The following RNF121 variants were observed in gnomAD, a reference collection of about 807,000 sequenced individuals.
RNF121 encodes E3 ubiquitin ligase RNF121.
RNF121 carries 21 observed loss-of-function variants against 46.5 expected under a neutral mutation model. The ratio of observed to expected loss-of-function variants is 0.45; its 90% confidence interval spans 0.32 to 0.65. The LOEUF (loss-of-function observed/expected upper bound fraction) is 0.65. RNF121 is among the 30% of genes least tolerant of loss of function. The probability of loss-of-function intolerance (pLI) is 0.04; values close to 1 mark genes in which losing one functional copy is unlikely to be tolerated. For synonymous variants in RNF121, 139 were observed against 144.7 expected (o/e 0.96, Z 0.28); for missense variants, 346 against 416.0 (o/e 0.83, Z 1.46).
chr11:71,932,740 A>G (rs906789683), intron 1 of RNF121, among the ~76,000 whole-genome samples: 4 of 152,224 alleles, frequency 2.6e-5, no homozygotes, highest in African/African-American at 7.2e-5. Context: ...CTTCATTTTA[A>G]AGACCCAAAC....
rs1459437728 is a variant in RNF121, at chr11:71,996,241, C to A, written c.910C>A (p.Arg304=). 6.2e-7 allele frequency: 1 copy of A among 1,614,178 alleles called. No homozygotes were observed. Among genetic ancestry groups the A allele is most frequent in the Non-Finnish European group, 8.5e-7 (1 of 1,180,028 alleles). ...GTATGGGCAACTGCTGGACTGGCTT[C>A]GATACTTGGTAGCCTGGCAGCCTGT... The part of the protein sequence containing the change: ...VMYGQLLDWL[R]YLVAWQPVII... The change falls in exon 9 of 9, where the codon CGA becomes AGA. Residue 304 remains arginine, a synonymous_variant. Coordinates refer to ENST00000361756, the MANE Select transcript of RNF121 (RefSeq NM_018320.5).
At chr11:71,964,316 C>T (rs998876503) in intron 3 of RNF121, among the ~76,000 whole-genome samples, 13 of 152,096 alleles carry the variant, frequency 8.5e-5, no homozygotes, top group Admixed American at 8.5e-4. Context: ...TTATTCATTG[C>T]TAATATATAG....
chr11:71,989,070 T>TTTTGTTTGTTTGTTTG (rs10654699), intron 5 of RNF121, among the ~76,000 whole-genome samples: 3 of 150,284 alleles, frequency 2.0e-5, no homozygotes, highest in Admixed American at 6.6e-5. Flanking sequence ...CATTATGGTT[T>TTTTGTTTGTTTGTTTG]TTTGTTTGTT....
At chr11:71,994,530 T>C (rs1389107394) in intron 6 of RNF121, among the ~76,000 whole-genome samples, 189 bp from the exon 7 acceptor site, 2 of 152,026 alleles carry the variant, frequency 1.3e-5, no homozygotes, top group African/African-American at 4.8e-5. Context: ...CCAGCAAAGA[T>C]GAGGTCGATT....
chr11:71,948,505 A>T (rs1953779660), intron 1 of RNF121, among the ~76,000 whole-genome samples: 1 of 119,442 alleles, frequency 8.4e-6, no homozygotes, highest in Non-Finnish European at 1.7e-5. Context: ...ACAGAGTGAA[A>T]CTGTCTCCAA....
At chr11:71,950,538 C>T (rs917847568) in intron 1 of RNF121, among the ~76,000 whole-genome samples, 1 of 150,722 alleles carries the variant, frequency 6.6e-6, no homozygotes, top group Non-Finnish European at 1.5e-5. Context: ...GAACCGAGAT[C>T]ATGCCATCGC....
intron 3 of RNF121, among the ~76,000 whole-genome samples, chr11:71,975,025 A>G (rs1261345839): frequency 2.6e-5 from 4 of 152,210 alleles, no homozygotes; most frequent in Non-Finnish European, 5.9e-5. Flanking sequence ...GAAGTTCTCC[A>G]GGGAGAAGCT....
intron 5 of RNF121, among the ~76,000 whole-genome samples, chr11:71,989,070 T>TTTG: frequency 2.0e-5 from 3 of 150,284 alleles, no homozygotes. Flanking sequence ...CATTATGGTT[T>TTTG]TTTGTTTGTT....
intron 1 of RNF121, among the ~76,000 whole-genome samples, chr11:71,948,885 C>T (rs1171489918): frequency 6.6e-6 from 1 of 152,154 alleles, no homozygotes; most frequent in Non-Finnish European, 1.5e-5. Context: ...ACGCAGAATA[C>T]CACAGTATCT....
chr11:71,974,873 AGCCC>A (rs1055260707), intron 3 of RNF121, among the ~76,000 whole-genome samples: 12 of 152,326 alleles, frequency 7.9e-5, no homozygotes, highest in African/African-American at 1.9e-4. Context: ...TTGGAAACCT[AGCCC>A]AAACCAGACT....
At chr11:71,940,838 A>T (rs1353266509) in intron 1 of RNF121, among the ~76,000 whole-genome samples, 1 of 152,236 alleles carries the variant, frequency 6.6e-6, no homozygotes, top group Non-Finnish European at 1.5e-5. Flanking sequence ...TAAAGACTTA[A>T]TGGAGAAGAT....
rs1433266834 is a variant in RNF121, at chr11:71,990,731, G to T, written c.627+14G>T. ...TCTACCATAGGGGTAAGTTCATCCG[G>T]GTTCTTAAATACTGCTTCTTGACAC... On this transcript the variant is annotated intron_variant, in intron 6 of 8. Coordinates refer to ENST00000361756, the MANE Select transcript of RNF121 (RefSeq NM_018320.5). 1 of 1,612,170 alleles carries T rather than the reference G, an allele frequency of 6.2e-7. No individual in the cohort carries two copies. The highest frequency in any genetic ancestry group is 8.5e-7 in the Non-Finnish European group (1 of 1,179,456).
intron 1 of RNF121, among the ~76,000 whole-genome samples, chr11:71,929,969 G>A (rs1283106586): frequency 6.6e-6 from 1 of 152,236 alleles, no homozygotes; most frequent in Non-Finnish European, 1.5e-5. Flanking sequence ...GGATTTATGA[G>A]TTCCTTGAAG....
In RNF121 at chr11:71,997,118, A is replaced by G. The variant is rs940397139; in HGVS notation, c.*803A>G. On this transcript the variant is annotated 3_prime_UTR_variant, in exon 9 of 9. Transcript: ENST00000361756. ...GGCCCCTTGTGCAAGCTCATTCTTC[A>G]GTGGATCCTTCAGTGGAGTGGTGAC... is the stretch of plus-strand genomic sequence containing the variant. 1 of 152,270 alleles carries G rather than the reference A, an allele frequency of 6.6e-6. No individual in the cohort carries two copies. Among genetic ancestry groups the G allele is most frequent in the Non-Finnish European group, 1.5e-5 (1 of 68,076 alleles). The allele number at this position is 152,270 out of a possible 1,614,324, so 9.4% of individuals were successfully genotyped here.
chr11:71,991,368 T>C (rs1954860747), intron 6 of RNF121, among the ~76,000 whole-genome samples: 1 of 152,188 alleles, frequency 6.6e-6, no homozygotes, highest in Non-Finnish European at 1.5e-5. Flanking sequence ...CTGCTATGTG[T>C]CTAGACACAT....
chr11:71,996,074 T>G, intron 8 of RNF121, 121 bp from the exon 9 acceptor site: 1 of 1,252,648 alleles, frequency 8.0e-7, no homozygotes, highest in Non-Finnish European at 1.1e-6. Context: ...GAAAGCAGCC[T>G]CCATTCCTCT....
chr11:71,994,140 T>G (rs1954924848), intron 6 of RNF121, among the ~76,000 whole-genome samples: 1 of 152,126 alleles, frequency 6.6e-6, no homozygotes, highest in Non-Finnish European at 1.5e-5. Flanking sequence ...GCGCCCAGCC[T>G]CCTCTTATTT....
chr11:71,939,285 T>C (rs1383047071), intron 1 of RNF121: 4 of 182,928 alleles, frequency 2.2e-5, no homozygotes, highest in Non-Finnish European at 1.2e-5. Flanking sequence ...CCACTAACCC[T>C]GTGCCCAGCC....
chr11:71,934,480 GCTT>G (rs2134143097), intron 1 of RNF121, among the ~76,000 whole-genome samples: 1 of 152,326 alleles, frequency 6.6e-6, no homozygotes, highest in South Asian at 2.1e-4. Context: ...CCCATCCCTT[GCTT>G]CTTCAAGCAG....
Sources: allele counts gnomAD v4.1 joint callset (sites outside exome capture counted in the v4.1 genomes callset), GRCh38; gene constraint gnomAD v4.1.1; transcripts MANE v1.5; gene names NCBI Gene and HGNC (gene_info 2026-07-23, HGNC 2026-07-21).